C9orf85: variants seen among roughly 807,000 people sequenced by gnomAD.
C9orf85 encodes uncharacterized protein C9orf85.
In C9orf85, 16 loss-of-function variants were observed where a neutral mutation model predicts 14.9. The ratio of observed to expected loss-of-function variants is 1.08; its 90% CI spans 0.73 to 1.63. C9orf85 has a LOEUF of 1.63. Ranked by LOEUF, C9orf85 falls within the 40% of genes most tolerant of loss-of-function variation. The pLI is 0.00. For synonymous variants in C9orf85, 45 were observed against 56.8 expected (o/e 0.79, Z 0.93); for missense variants, 172 against 186.1 (o/e 0.92, Z 0.44).
chr9:71,967,920 A>G (rs898490154), intron 2 of C9orf85, among the ~76,000 whole-genome samples: 1 of 152,006 alleles, frequency 6.6e-6, no homozygotes, highest in Non-Finnish European at 1.5e-5. Context: ...TTCAGTTCAT[A>G]GTTTACTGAG....
At chr9:71,931,125 C>T (rs1056680182) in intron 1 of C9orf85, among the ~76,000 whole-genome samples, 3 of 152,122 alleles carry the variant, frequency 2.0e-5, no homozygotes, top group Non-Finnish European at 4.4e-5. Flanking sequence ...AGTGCAGTAC[C>T]CATGTCAATC....
intron 1 of C9orf85, chr9:71,918,468 C>T (rs1827711157): frequency 7.7e-7 from 1 of 1,302,674 alleles, no homozygotes; most frequent in Non-Finnish European, 1.0e-6. Context: ...GTTTGTCTCC[C>T]TGTGGAGCAG....
chr9:71,929,357 A>G (rs1828015404), intron 1 of C9orf85, among the ~76,000 whole-genome samples: 1 of 152,210 alleles, frequency 6.6e-6, no homozygotes, highest in Non-Finnish European at 1.5e-5. Context: ...AAGATCTCAA[A>G]TGGTGACTTA....
At chr9:71,983,912 T>C (rs1275855529), downstream of C9orf85, 5 of 152,194 alleles carry the variant, frequency 3.3e-5, no homozygotes, top group African/African-American at 1.2e-4. Flanking sequence ...TATGTACTTG[T>C]GTCTCTGTAT....
intron 1 of C9orf85, among the ~76,000 whole-genome samples, chr9:71,912,663 T>TCC (rs1827541335): frequency 2.6e-5 from 4 of 152,022 alleles, no homozygotes; most frequent in African/African-American, 9.7e-5. Context: ...GGTGGGCGGA[T>TCC]CACCTGAGGT....
chr9:71,914,796 C>G (rs1010546727), intron 1 of C9orf85, among the ~76,000 whole-genome samples: 1 of 152,130 alleles, frequency 6.6e-6, no homozygotes, highest in Non-Finnish European at 1.5e-5. Flanking sequence ...GGGCTTGCGC[C>G]GGGATTTGTA....
At chr9:71,980,942 T>C (rs1312226262) in intron 3 of C9orf85, among the ~76,000 whole-genome samples, 2 of 152,198 alleles carry the variant, frequency 1.3e-5, no homozygotes, top group African/African-American at 4.8e-5. Flanking sequence ...TTCTTGGTCA[T>C]GGTAATAGTA....
intron 1 of C9orf85, among the ~76,000 whole-genome samples, chr9:71,912,390 T>C (rs1220584396): frequency 6.6e-6 from 1 of 152,174 alleles, no homozygotes; most frequent in Admixed American, 6.5e-5. Context: ...AGGACTTCTG[T>C]AAAGTCCTGC....
intron 2 of C9orf85, among the ~76,000 whole-genome samples, chr9:71,954,646 TGAGGACAACCA>T (rs1487894939): frequency 6.6e-6 from 1 of 152,122 alleles, no homozygotes. Context: ...AGTGTAGCGG[TGAGGACAACCA>T]GAGGACATTC....
chr9:71,920,497 T>TATAGTG (rs1408570844), intron 1 of C9orf85, among the ~76,000 whole-genome samples: 2 of 152,206 alleles, frequency 1.3e-5, no homozygotes, highest in East Asian at 3.8e-4. Flanking sequence ...GCCATTTTCC[T>TATAGTG]TTTAGAGAAA....
downstream of C9orf85, among the ~76,000 whole-genome samples, chr9:71,975,718 G>C (rs545179901): frequency 6.6e-6 from 1 of 152,214 alleles, no homozygotes; most frequent in East Asian, 1.9e-4. Context: ...TGTAATCCCA[G>C]CTAGTCCGGA....
intron 1 of C9orf85, among the ~76,000 whole-genome samples, chr9:71,939,176 A>T (rs1406911656): frequency 6.6e-6 from 1 of 151,812 alleles, no homozygotes; most frequent in Non-Finnish European, 1.5e-5. Flanking sequence ...AATAAAGTCC[A>T]GTAAAAAATA....
chr9:71,926,293 A>G (rs1200182571), intron 1 of C9orf85, among the ~76,000 whole-genome samples: 1 of 152,218 alleles, frequency 6.6e-6, no homozygotes, highest in Non-Finnish European at 1.5e-5. Context: ...GCCAGTAACC[A>G]CATGTCCCTA....
intron 1 of C9orf85, among the ~76,000 whole-genome samples, chr9:71,946,205 A>C (rs1450908136): frequency 1.3e-5 from 2 of 152,210 alleles, no homozygotes; most frequent in African/African-American, 2.4e-5. Context: ...CTGAAAAATG[A>C]AATGCCTTTT....
At chr9:71,935,824 G>T (rs2132284422) in intron 1 of C9orf85, among the ~76,000 whole-genome samples, 1 of 152,122 alleles carries the variant, frequency 6.6e-6, no homozygotes, top group South Asian at 2.1e-4. Flanking sequence ...TGTACAATAT[G>T]AATGTATTTA....
At chr9:71,970,818 C>T (rs1822839442) in intron 2 of C9orf85, among the ~76,000 whole-genome samples, 1 of 131,330 alleles carries the variant, frequency 7.6e-6, no homozygotes, top group African/African-American at 2.8e-5. Context: ...TCAATATTCT[C>T]AATATTAAGT....
intron 2 of C9orf85, among the ~76,000 whole-genome samples, chr9:71,969,255 T>G (rs1413742675): frequency 6.6e-6 from 1 of 152,108 alleles, no homozygotes; most frequent in Non-Finnish European, 1.5e-5. Context: ...TTCAAGTGAT[T>G]CTCCTGTCTC....
chr9:71,970,087 G>A (rs1822817971), intron 2 of C9orf85, among the ~76,000 whole-genome samples: 1 of 151,988 alleles, frequency 6.6e-6, no homozygotes, highest in African/African-American at 2.4e-5. Flanking sequence ...TGAGATTGCA[G>A]ATGTGCTCCC....
chr9:71,970,227 C>T (rs34320043), intron 2 of C9orf85, among the ~76,000 whole-genome samples: 2 of 152,046 alleles, frequency 1.3e-5, no homozygotes, highest in Admixed American at 6.6e-5. Context: ...GGATTATAGG[C>T]GTGAGCCACG....
Sources: gnomAD v4.1 joint callset for allele counts (sites outside exome capture counted in the v4.1 genomes callset) on GRCh38, gnomAD v4.1.1 for gene constraint, MANE v1.5 for transcripts, NCBI Gene and HGNC (gene_info 2026-07-23, HGNC 2026-07-21) for gene names.